The following MDGA2 variants were observed in gnomAD, a reference collection of about 807,000 sequenced individuals.
MDGA2 encodes MAM domain-containing glycosylphosphatidylinositol anchor protein 2.
Under a neutral mutation model 117.8 loss-of-function variants are expected in MDGA2, and 40 were observed. That is an observed-to-expected ratio of 0.34 (90% CI 0.26 to 0.44). MDGA2 has a LOEUF of 0.44. Among genes scored for constraint, MDGA2 ranks in the 20% least tolerant of loss-of-function variants. The pLI is 1.00. For missense variants in MDGA2, 1,123 were observed against 1,250.6 expected (o/e 0.90, Z 1.54); for synonymous variants, 452 against 439.0 (o/e 1.03, Z -0.37).
intron 9 of MDGA2, 140 bp from the exon 10 acceptor site, chr14:46,920,300 T>C (rs1398450097): frequency 1.3e-6 from 1 of 754,424 alleles, no homozygotes; most frequent in African/African-American, 1.9e-5. Flanking sequence ...GGATATGTTT[T>C]GAGAACAGAT....
chr14:47,058,269 T>G (rs1368737877), intron 7 of MDGA2, among the ~76,000 whole-genome samples: 4 of 152,138 alleles, frequency 2.6e-5, no homozygotes, highest in Non-Finnish European at 5.9e-5. Flanking sequence ...ATTTTCAAAA[T>G]GTTTTAAAAT....
intron 8 of MDGA2, among the ~76,000 whole-genome samples, chr14:46,991,092 T>G (rs1000463216): frequency 6.6e-6 from 1 of 152,110 alleles, no homozygotes. Context: ...ACTTGTCTTA[T>G]TGGGGTCATA....
chr14:46,994,151 T>C, intron 8 of MDGA2, among the ~76,000 whole-genome samples: 1 of 152,174 alleles, frequency 6.6e-6, no homozygotes, highest in Non-Finnish European at 1.5e-5. Flanking sequence ...GGCAATACTC[T>C]GCGCATATTG....
intron 9 of MDGA2, among the ~76,000 whole-genome samples, chr14:46,924,874 ATT>A (rs1446475841): frequency 6.6e-6 from 1 of 152,128 alleles, no homozygotes; most frequent in African/African-American, 2.4e-5. Context: ...AAAACAAGCC[ATT>A]TAATAAGAGT....
chr14:47,042,312 G>GTTTTT (rs748830079), intron 7 of MDGA2, among the ~76,000 whole-genome samples: 10 of 129,978 alleles, frequency 7.7e-5, no homozygotes, highest in Admixed American at 1.6e-4. Context: ...CCAAATCTAT[G>GTTTTT]TTTTTTTTTT....
At chr14:47,401,581 A>T (rs981055919) in intron 1 of MDGA2, among the ~76,000 whole-genome samples, 4 of 152,246 alleles carry the variant, frequency 2.6e-5, no homozygotes, top group Admixed American at 6.5e-5. Flanking sequence ...TGATTAAATC[A>T]AATAAAACTG....
intron 8 of MDGA2, among the ~76,000 whole-genome samples, chr14:47,012,277 C>T (rs12434313): frequency 0.15 from 22,350 of 152,038 alleles, 1,740 homozygotes; most frequent in Admixed American, 0.22. Context: ...TTGAATCAAC[C>T]TCCATGATGC....
At chr14:47,400,661 G>C (rs1055616795) in intron 1 of MDGA2, among the ~76,000 whole-genome samples, 3 of 149,892 alleles carry the variant, frequency 2.0e-5, no homozygotes, top group Admixed American at 6.6e-5. Flanking sequence ...ACTCCAACCT[G>C]GGCGACGAAG....
chr14:47,404,149 T>G lies in MDGA2; in HGVS notation c.281-102599A>C, dbSNP rs1355415942. On this transcript the variant is annotated intron_variant, in intron 1 of 16. Transcript: ENST00000399232. ...TATAGAGAGTCATCAGCCATGAACA[T>G]AGCAATGGGTGAGAAAAGAAATTTA... Among the ~76,000 whole-genome samples the G allele has an allele frequency of 2.0e-5, 3 of 151,964 alleles. No individual in the cohort carries two copies. The East Asian group carries it at 5.8e-4, about 29-fold the overall frequency.
intron 2 of MDGA2, among the ~76,000 whole-genome samples, chr14:47,220,280 A>G (rs1485248462): frequency 6.6e-6 from 1 of 152,200 alleles, no homozygotes; most frequent in East Asian, 1.9e-4. Flanking sequence ...CTCAAAGTCT[A>G]CAAAGAAAAT....
chr14:47,033,666 GC>G (rs1888740940), intron 8 of MDGA2, among the ~76,000 whole-genome samples: 1 of 152,068 alleles, frequency 6.6e-6, no homozygotes, highest in Admixed American at 6.5e-5. Context: ...TCTAAAACCT[GC>G]CTTATTTGGA....
intron 3 of MDGA2, among the ~76,000 whole-genome samples, chr14:47,169,944 T>A (rs1022502231): frequency 6.6e-6 from 1 of 152,100 alleles, no homozygotes; most frequent in African/African-American, 2.4e-5. Flanking sequence ...CACACTCTAC[T>A]CTCCTTCCAC....
chr14:47,392,223 A>G (rs1194548286), intron 1 of MDGA2, among the ~76,000 whole-genome samples: 1 of 152,190 alleles, frequency 6.6e-6, no homozygotes, highest in Non-Finnish European at 1.5e-5. Context: ...AAAAAGACAT[A>G]GTTAATTACT....
At chr14:47,397,738 T>A (rs1440787665) in intron 1 of MDGA2, among the ~76,000 whole-genome samples, 1 of 152,164 alleles carries the variant, frequency 6.6e-6, no homozygotes, top group Admixed American at 6.6e-5. Context: ...TATAAATACA[T>A]GTAAACACAC....
chr14:46,894,905 T>G (rs1288463859), intron 10 of MDGA2, among the ~76,000 whole-genome samples: 1 of 152,214 alleles, frequency 6.6e-6, no homozygotes, highest in African/African-American at 2.4e-5. Flanking sequence ...TTTCTTGTCA[T>G]GCTTGGATCA....
At chr14:47,127,835 C>T (rs1051021513) in intron 5 of MDGA2, among the ~76,000 whole-genome samples, 3 of 151,840 alleles carry the variant, frequency 2.0e-5, no homozygotes, top group African/African-American at 7.3e-5. Context: ...TAAAGTCATC[C>T]AGTTACTTTA....
At chr14:47,263,893 A>C (rs1887880877) in intron 2 of MDGA2, among the ~76,000 whole-genome samples, 1 of 152,170 alleles carries the variant, frequency 6.6e-6, no homozygotes, top group South Asian at 2.1e-4. Flanking sequence ...AAGTTCAAAA[A>C]CTCCAACAAG....
intron 4 of MDGA2, among the ~76,000 whole-genome samples, chr14:47,136,087 G>A (rs1044125667): frequency 6.6e-6 from 1 of 151,552 alleles, no homozygotes; most frequent in African/African-American, 2.4e-5. Flanking sequence ...TGGAAGATAC[G>A]TCAAACTTGA....
chr14:47,518,657 C>T (rs1322312177), intron 1 of MDGA2, among the ~76,000 whole-genome samples: 2 of 152,146 alleles, frequency 1.3e-5, no homozygotes, highest in East Asian at 1.9e-4. Flanking sequence ...TATAGGGAAA[C>T]ATTTTAAAAA....
Sources: gnomAD v4.1 joint callset for allele counts (sites outside exome capture counted in the v4.1 genomes callset) on GRCh38, gnomAD v4.1.1 for gene constraint, MANE v1.5 for transcripts, NCBI Gene and HGNC (gene_info 2026-07-23, HGNC 2026-07-21) for gene names.